The following ST18 variants were observed in gnomAD, a reference collection of about 807,000 sequenced individuals.
The protein encoded by ST18 is suppression of tumorigenicity 18 protein.
In ST18, 50 loss-of-function variants were observed where a neutral mutation model predicts 110.0. The observed-to-expected ratio is 0.45, with a 90% CI of 0.36 to 0.58. The LOEUF (loss-of-function observed/expected upper bound fraction) is 0.58, where lower values mean the gene tolerates loss of function less well. Among genes scored for constraint, ST18 ranks in the 20% least tolerant of loss-of-function variants. The pLI, the probability that ST18 is intolerant of heterozygous loss-of-function variation, is 0.00. For synonymous variants in ST18, 461 were observed against 452.4 expected (o/e 1.02, Z -0.24); for missense variants, 1,306 against 1,280.1 (o/e 1.02, Z -0.31).
At chr8:52,397,522 T>C (rs1841551608) in intron 2 of ST18, among the ~76,000 whole-genome samples, 2 of 152,152 alleles carry the variant, frequency 1.3e-5, no homozygotes, top group Non-Finnish European at 2.9e-5. Context: ...TCCAAAAAAA[T>C]TGCAGCCAAG....
At chr8:52,299,468 G>A (rs184446072) in intron 2 of ST18, among the ~76,000 whole-genome samples, 46 of 152,154 alleles carry the variant, frequency 3.0e-4, no homozygotes, top group Non-Finnish European at 2.5e-4. Flanking sequence ...GTATTTTCAA[G>A]TCTCTCTTTT....
At chr8:52,221,095 C>A (rs2086506148) in intron 4 of ST18, among the ~76,000 whole-genome samples, 1 of 144,002 alleles carries the variant, frequency 6.9e-6, no homozygotes, top group East Asian at 2.1e-4. Flanking sequence ...CTCTATCTAT[C>A]TATCTATCTA....
chr8:52,189,827 C>T (rs1468457889), intron 8 of ST18, among the ~76,000 whole-genome samples: 4 of 152,168 alleles, frequency 2.6e-5, no homozygotes, highest in Non-Finnish European at 5.9e-5. Flanking sequence ...CCTGGCTTCA[C>T]AAATCTTTCT....
chr8:52,347,779 C>A (rs546107284), intron 2 of ST18, among the ~76,000 whole-genome samples: 1 of 152,118 alleles, frequency 6.6e-6, no homozygotes, highest in Non-Finnish European at 1.5e-5. Flanking sequence ...CAGGGAAACC[C>A]ATCTGGGGAA....
intron 2 of ST18, among the ~76,000 whole-genome samples, chr8:52,343,001 A>G (rs767482040): frequency 2.0e-4 from 31 of 152,304 alleles, no homozygotes; most frequent in Non-Finnish European, 4.1e-4. Context: ...CAATCTGGAA[A>G]TACGTTGCCT....
At chr8:52,304,547 A>C (rs184218971) in intron 2 of ST18, among the ~76,000 whole-genome samples, 2 of 152,246 alleles carry the variant, frequency 1.3e-5, no homozygotes, top group African/African-American at 4.8e-5. Flanking sequence ...TACATAAAAG[A>C]AGCTCATTAA....
intron 10 of ST18, among the ~76,000 whole-genome samples, chr8:52,170,369 T>C (rs1244478681): frequency 6.6e-6 from 1 of 151,724 alleles, no homozygotes; most frequent in Admixed American, 6.6e-5. Flanking sequence ...GGCAGGAGAA[T>C]GGAACCTGGG....
intron 2 of ST18, among the ~76,000 whole-genome samples, chr8:52,356,072 T>A (rs773214112): frequency 6.6e-6 from 1 of 152,168 alleles, no homozygotes; most frequent in African/African-American, 2.4e-5. Flanking sequence ...AGTTCCCATG[T>A]ACACAAGGAA....
At chr8:52,164,423 T>C (rs1410799008) in intron 12 of ST18, among the ~76,000 whole-genome samples, 1 of 152,264 alleles carries the variant, frequency 6.6e-6, no homozygotes, top group African/African-American at 2.4e-5. Flanking sequence ...CTCGAGAAGT[T>C]AGCATAACTC....
At chr8:52,219,352 G>GA (rs146305977) in intron 5 of ST18, among the ~76,000 whole-genome samples, 4,615 of 151,920 alleles carry the variant, frequency 0.03, 125 homozygotes, top group East Asian at 0.079. Flanking sequence ...AATAACTCAG[G>GA]AAGAATAGGA....
intron 8 of ST18, among the ~76,000 whole-genome samples, chr8:52,201,805 C>G (rs761418906): frequency 2.6e-5 from 4 of 152,148 alleles, no homozygotes; most frequent in Non-Finnish European, 5.9e-5. Context: ...ACAAGCAGCT[C>G]AGGGATGGGC....
intron 24 of ST18, among the ~76,000 whole-genome samples, chr8:52,117,009 T>C (rs1371685893): frequency 1.1e-4 from 16 of 152,136 alleles, no homozygotes; most frequent in Admixed American, 1.0e-3. Flanking sequence ...AGCATGTCAA[T>C]CAGATGGGAT....
intron 9 of ST18, among the ~76,000 whole-genome samples, chr8:52,178,454 C>T (rs1371414156): frequency 6.6e-6 from 1 of 151,338 alleles, no homozygotes; most frequent in African/African-American, 2.4e-5. Context: ...TAGTGAAACC[C>T]TGTCTCTACC....
chr8:52,148,844 C>T (rs995176906), intron 16 of ST18, among the ~76,000 whole-genome samples: 3 of 152,134 alleles, frequency 2.0e-5, no homozygotes, highest in African/African-American at 4.8e-5. Flanking sequence ...GATCTCATCA[C>T]CCAAAGTCTC....
intron 8 of ST18, among the ~76,000 whole-genome samples, chr8:52,189,724 T>A (rs563621181): frequency 6.6e-6 from 1 of 152,320 alleles, no homozygotes; most frequent in South Asian, 2.1e-4. Context: ...TTGTCCGAGT[T>A]GATACCTAGG....
In ST18 at chr8:52,164,011, C is replaced by G; in HGVS notation, c.1375G>C (p.Gly459Arg). The G allele has an allele frequency of 6.2e-7, 1 of 1,614,004 alleles. No individual in the cohort carries two copies. Among genetic ancestry groups the G allele is most frequent in the Non-Finnish European group, 8.5e-7 (1 of 1,179,962 alleles). Residue 459 changes from glycine (G) to arginine (R), a missense_variant, in exon 13 of 26, where the codon GGG becomes CGG. Physicochemically the swap from Gly to Arg is moderately radical, Grantham distance 125. Transcript: ENST00000689386. ...CTGTGGGCCTGGTCAGGACACTGCC[C>G]AGTTTGGGGAGAATCAAGCTGATTT... ...DKNQLDSPQT[G>R]QCPDQAHRTS...
intron 2 of ST18, among the ~76,000 whole-genome samples, chr8:52,235,985 T>C (rs2092604103): frequency 6.6e-6 from 1 of 152,074 alleles, no homozygotes; most frequent in African/African-American, 2.4e-5. Flanking sequence ...AAAAAGATAA[T>C]AGAAGAAATA....
intron 10 of ST18, among the ~76,000 whole-genome samples, chr8:52,169,925 C>A (rs1303239580): frequency 6.6e-6 from 1 of 152,052 alleles, no homozygotes; most frequent in East Asian, 1.9e-4. Flanking sequence ...CAAATGTTTA[C>A]AAACACAGAT....
chr8:52,191,029 G>A (rs2074299835), intron 8 of ST18, among the ~76,000 whole-genome samples: 1 of 152,160 alleles, frequency 6.6e-6, no homozygotes, highest in South Asian at 2.1e-4. Context: ...TTTAGGTTCT[G>A]GGGATAGCAT....
Sources: gnomAD v4.1 joint callset for allele counts (sites outside exome capture counted in the v4.1 genomes callset) on GRCh38, gnomAD v4.1.1 for gene constraint, MANE v1.5 for transcripts, NCBI Gene and HGNC (gene_info 2026-07-23, HGNC 2026-07-21) for gene names.